Variants in SLC2A5 observed in about 807,000 individuals in gnomAD.
SLC2A5 encodes the protein solute carrier family 2 member 5.
In SLC2A5, 56 loss-of-function variants were observed where a neutral mutation model predicts 50.3. The observed-to-expected ratio is 1.11, with a 90% CI of 0.90 to 1.39. SLC2A5 has a LOEUF of 1.39. SLC2A5 is among the 40% of genes most tolerant of loss of function. The pLI is 0.00. For synonymous variants in SLC2A5, 269 were observed against 281.9 expected (o/e 0.95, Z 0.46); for missense variants, 566 against 650.1 (o/e 0.87, Z 1.41).
At chr1:9,065,572 G>A (rs1207929730) in intron 1 of SLC2A5, among the ~76,000 whole-genome samples, 2 of 152,198 alleles carry the variant, frequency 1.3e-5, no homozygotes, top group Admixed American at 1.3e-4. Flanking sequence ...AGGGAGAGAT[G>A]AGCATCGTCA....
At chr1:9,061,015 G>A (rs796201106) in intron 1 of SLC2A5, among the ~76,000 whole-genome samples, 26 of 151,992 alleles carry the variant, frequency 1.7e-4, no homozygotes, top group African/African-American at 5.8e-4. Flanking sequence ...TGGGCACGAC[G>A]GCTCATGCCT....
At chr1:9,062,301 A>G (rs1569892955) in intron 1 of SLC2A5, among the ~76,000 whole-genome samples, 2 of 152,366 alleles carry the variant, frequency 1.3e-5, no homozygotes, top group East Asian at 3.9e-4. Context: ...GGAGTGGTTA[A>G]AAAGAGAGGT....
At chr1:9,064,121 C>T (rs187029649) in intron 1 of SLC2A5, among the ~76,000 whole-genome samples, 1 of 152,276 alleles carries the variant, frequency 6.6e-6, no homozygotes, top group East Asian at 1.9e-4. Flanking sequence ...AGCCACAGTG[C>T]CAGCCTGGGC....
At chr1:9,042,748 CT>C (rs1309879714) in intron 4 of SLC2A5, among the ~76,000 whole-genome samples, 6 of 151,770 alleles carry the variant, frequency 4.0e-5, no homozygotes, top group African/African-American at 1.2e-4. Flanking sequence ...CCCAGGACCC[CT>C]AGCCCCCAGC....
rs897896734 is a variant in SLC2A5 at position 9,035,216 on chromosome 1, A to G, written c.*2370T>C. ...AGTAACTTTCCAAGTTGCACAACTA[A>G]TGTGGCAGGACCAAGGTTTGAACCC... On this transcript the variant is annotated 3_prime_UTR_variant, in exon 12 of 12. Transcript: ENST00000377424. 2.6e-5 allele frequency: 4 copies of G among 152,228 alleles called. No homozygotes were observed. The highest frequency in any genetic ancestry group is 1.3e-4 in the Admixed American group (2 of 15,290). 9.4% of individuals were successfully genotyped at this position (152,228 alleles called of 1,614,324 possible). A position where few individuals can be genotyped will look rare whatever the true frequency, so the allele number is the denominator to read the frequency against.
At position 9,069,495 on chromosome 1, in the gene SLC2A5, C is replaced by T. The variant is rs2124456691; in HGVS notation, c.33+9G>A. 6.2e-7 allele frequency: 1 copy of T among 1,613,896 alleles called. No homozygotes were observed. The highest frequency in any genetic ancestry group is 2.2e-5 in the East Asian group (1 of 44,878). ...GCTCTTGGCCCCTTTCCCTGAGCAACACACTCACCCCTTCCTTCATGCTCT... is the reference window on the plus strand; with the variant it reads ...GCTCTTGGCCCCTTTCCCTGAGCAATACACTCACCCCTTCCTTCATGCTCT... On this transcript the variant is annotated intron_variant, in intron 1 of 11. Transcript: ENST00000377424.
rs140730594 is a variant in SLC2A5, at chr1:9,037,170, C to T, written c.*416G>A. Reference sequence around the variant, plus strand: ...GGCTCTAAACAAATGCCCATGGCCCCGGAAGACCTGTCGGGGCCACCAAGT... The same window carrying T: ...GGCTCTAAACAAATGCCCATGGCCCTGGAAGACCTGTCGGGGCCACCAAGT... On this transcript the variant is annotated 3_prime_UTR_variant, in exon 12 of 12. Coordinates refer to ENST00000377424, the MANE Select transcript of SLC2A5 (RefSeq NM_003039.3). 7 of 206,266 alleles carry T rather than the reference C, an allele frequency of 3.4e-5. No homozygotes were observed. Among genetic ancestry groups the T allele is most frequent in the East Asian group, 1.2e-4 (1 of 8,202 alleles). The allele number at this position is 206,266 out of a possible 1,614,324, so 12.8% of individuals were successfully genotyped here. A position where few individuals can be genotyped will look rare whatever the true frequency, so the allele number is the denominator to read the frequency against.
intron 3 of SLC2A5, among the ~76,000 whole-genome samples, chr1:9,053,147 ATATATATTTTATATATT>A (rs1160292952): frequency 6.3e-5 from 4 of 63,086 alleles, no homozygotes; most frequent in Non-Finnish European, 8.7e-5. Context: ...TTATATGTTA[ATATATATTTTATATATT>A]TATATATTTT....
At chr1:9,044,350 C>T (rs1641386548) in intron 4 of SLC2A5, among the ~76,000 whole-genome samples, 1 of 151,654 alleles carries the variant, frequency 6.6e-6, no homozygotes, top group Non-Finnish European at 1.5e-5. Context: ...AACAAACAAA[C>T]AAAAAGTTTA....
rs147013946 is a variant in SLC2A5, at chr1:9,037,921, C to T, written c.1278G>A (p.Val426=). ...CCTGGATGAACGGGAAGATCAAGCCCACGGTGAAGTTGGAGAGCCAGTGCA... is the reference window on the plus strand; with the variant it reads ...CCTGGATGAACGGGAAGATCAAGCCTACGGTGAAGTTGGAGAGCCAGTGCA... ...GSVHWLSNFT[V]GLIFPFIQEG... is the part of the protein sequence containing the mutation. The change falls in exon 11 of 12, where the codon GTG becomes GTA. Residue 426 remains valine (V), a synonymous_variant. Coordinates refer to ENST00000377424, the MANE Select transcript of SLC2A5 (RefSeq NM_003039.3). 1 of 1,613,862 alleles carries T rather than the reference C, an allele frequency of 6.2e-7. No individual in the cohort carries two copies. The highest frequency in any genetic ancestry group is 1.3e-5 in the African/African-American group (1 of 74,930).
intron 3 of SLC2A5, among the ~76,000 whole-genome samples, chr1:9,049,703 G>GA (rs35784062): frequency 4.0e-4 from 55 of 136,498 alleles, no homozygotes; most frequent in Non-Finnish European, 6.1e-4. Flanking sequence ...TCTGTCTAAA[G>GA]AAAAAAAAAA....
At chr1:9,038,646 A>T in intron 9 of SLC2A5, 140 bp from the exon 10 acceptor site, 1 of 1,174,496 alleles carries the variant, frequency 8.5e-7, no homozygotes, top group Non-Finnish European at 1.2e-6. Context: ...CCACTGGGAA[A>T]TCAGCTGAAC....
At chr1:9,053,541 T>C (rs1239127222) in intron 3 of SLC2A5, among the ~76,000 whole-genome samples, 1 of 99,690 alleles carries the variant, frequency 1.0e-5, no homozygotes, top group African/African-American at 3.5e-5. Flanking sequence ...TATTAATATA[T>C]ATTATATATT....
At chr1:9,054,999 A>G (rs1641713552) in intron 3 of SLC2A5, among the ~76,000 whole-genome samples, 1 of 152,174 alleles carries the variant, frequency 6.6e-6, no homozygotes, top group African/African-American at 2.4e-5. Flanking sequence ...TGACCACTTG[A>G]AGACTTTAAA....
chr1:9,065,316 C>A (rs1642052199), intron 1 of SLC2A5, among the ~76,000 whole-genome samples: 1 of 152,194 alleles, frequency 6.6e-6, no homozygotes, highest in South Asian at 2.1e-4. Flanking sequence ...TCAAGGCTGA[C>A]CTTCTGACAG....
intron 1 of SLC2A5, among the ~76,000 whole-genome samples, chr1:9,061,114 G>A (rs565236974): frequency 7.9e-5 from 12 of 151,474 alleles, no homozygotes; most frequent in South Asian, 4.2e-4. Flanking sequence ...GTGAAACCTC[G>A]TCTCTACTAA....
At chr1:9,047,494 A>G (rs1420282887) in intron 4 of SLC2A5, 116 bp downstream of exon 4, 1 of 1,034,608 alleles carries the variant, frequency 9.7e-7, no homozygotes, top group East Asian at 2.6e-5. Context: ...CAGCAGAGGT[A>G]TAGGAACGCT....
chr1:9,047,853 C>T (rs374211241), intron 3 of SLC2A5, 119 bp from the exon 4 acceptor site: 7 of 1,048,258 alleles, frequency 6.7e-6, no homozygotes, highest in South Asian at 3.0e-5. Flanking sequence ...TACTGCTGTG[C>T]GTTTAGCTCT....
At chr1:9,090,857 G>A (rs1471562427), upstream of SLC2A5, among the ~76,000 whole-genome samples, 2 of 152,178 alleles carry the variant, frequency 1.3e-5, no homozygotes, top group Non-Finnish European at 2.9e-5. Flanking sequence ...TCAATATGTG[G>A]ACAATTTACT....
Sources: allele counts gnomAD v4.1 joint callset (sites outside exome capture counted in the v4.1 genomes callset), GRCh38; gene constraint gnomAD v4.1.1; transcripts MANE v1.5; gene names NCBI Gene and HGNC (gene_info 2026-07-23, HGNC 2026-07-21).